Variants in KBTBD11 observed in about 807,000 individuals in gnomAD.
KBTBD11 encodes the protein kelch repeat and BTB domain containing 11.
For missense variants in KBTBD11, 1,390 were observed against 1,001.8 expected (o/e 1.39, Z -5.23); for synonymous variants, 747 against 499.0 (o/e 1.50, Z -6.63).
Position 2,003,830 on chromosome 8 carries a change from T to C in KBTBD11, c.*766T>C, listed in dbSNP as rs976042216. On this transcript the variant is annotated 3_prime_UTR_variant, in exon 2 of 2. Transcript: ENST00000320248. ...CATTATTTAAATTTTAAGTCTTCAG[T>C]GGCTAAATGTGACCAAACAGCACAT... The C allele has an allele frequency of 6.0e-6, 1 of 166,988 alleles. No individual in the cohort carries two copies. Among genetic ancestry groups the C allele is most frequent in the Admixed American group, 6.5e-5 (1 of 15,280 alleles). The allele number at this position is 166,988 out of a possible 1,614,324, so 10.3% of individuals were successfully genotyped here.
chr8:1,994,076 C>T (rs553207315), intron 1 of KBTBD11, among the ~76,000 whole-genome samples: 55 of 152,216 alleles, frequency 3.6e-4, no homozygotes, highest in African/African-American at 1.2e-3. Context: ...CTCAATACTT[C>T]GTTTACCGGC....
chr8:1,994,113 C>A (rs1817044642), intron 1 of KBTBD11, among the ~76,000 whole-genome samples: 1 of 152,142 alleles, frequency 6.6e-6, no homozygotes, highest in Admixed American at 6.5e-5. Flanking sequence ...TCAAGAATAT[C>A]TATTGTATAA....
intron 1 of KBTBD11, chr8:1,974,239 G>A: frequency 2.1e-6 from 2 of 946,330 alleles, no homozygotes; most frequent in Non-Finnish European, 2.5e-6. Flanking sequence ...TGGGGGGCGT[G>A]GGGGCCTCCT....
rs188838512 is a variant in KBTBD11 at position 1,985,035 on chromosome 8, G to A, written c.-909+11100G>A. ...GGTATTGCATTCTCATGCTCTAAGG[G>A]GCATCCACAGTATGCCCTGGGTCCT... is the stretch of plus-strand genomic sequence containing the variant. On this transcript the variant is annotated intron_variant, in intron 1 of 1. Transcript: ENST00000320248. Among the ~76,000 whole-genome samples the A allele has an allele frequency of 5.3e-5, 8 of 152,246 alleles. 1 individual carries two copies. The highest frequency in any genetic ancestry group is 1.9e-4 in the African/African-American group (8 of 41,540).
Position 2,001,843 on chromosome 8 carries a change from C to A in KBTBD11, c.651C>A (p.Pro217=). 2 of 1,230,858 alleles carry A rather than the reference C, an allele frequency of 1.6e-6. No homozygotes were observed. The highest frequency in any genetic ancestry group is 1.0e-6 in the Non-Finnish European group (1 of 987,374). The allele number at this position is 1,230,858 out of a possible 1,614,324, so 76.2% of individuals were successfully genotyped here. A position where few individuals can be genotyped will look rare whatever the true frequency, so the allele number is the denominator to read the frequency against. The change falls in exon 2 of 2, where the codon CCC becomes CCA. Residue 217 remains proline, a synonymous_variant. Coordinates refer to ENST00000320248, the MANE Select transcript of KBTBD11 (RefSeq NM_014867.3). ...CCGGCGCGCGCCGCCTGCAGCTGCC[C>A]GGCGCCGCGCAGCGCGCCACCGACG... The part of the protein sequence containing the change: ...VVAGARRLQL[P]GAAQRATDAV...
intron 1 of KBTBD11, among the ~76,000 whole-genome samples, chr8:1,977,756 G>A (rs531993614): frequency 7.3e-4 from 111 of 152,074 alleles, no homozygotes; most frequent in Non-Finnish European, 1.2e-3. Flanking sequence ...GGCTGGTCTC[G>A]AACTCCTGGC....
chr8:2,002,702 C>A lies in KBTBD11; in HGVS notation c.1510C>A (p.Arg504Ser). 1 of 1,545,032 alleles carries A rather than the reference C, an allele frequency of 6.5e-7. No individual in the cohort carries two copies. Among genetic ancestry groups the A allele is most frequent in the Non-Finnish European group, 8.7e-7 (1 of 1,154,158 alleles). ...DMVALDGFIYRFDLSGSRGEA... is the reference protein window; with the variant it reads ...DMVALDGFIYSFDLSGSRGEA... ...GGTGGCTCTCGACGGCTTCATCTAC[C>A]GCTTCGATCTGAGCGGCAGCCGCGG... The change falls in exon 2 of 2, where the codon CGC becomes AGC. Residue 504 changes from arginine (R) to serine (S), a missense_variant. Physicochemically the swap from Arg to Ser is moderately radical, Grantham distance 110. Transcript: ENST00000320248. The surrounding 1 kb of genome is among the most constrained non-coding windows in gnomAD (Gnocchi z 4.1).
chr8:1,984,985 G>T (rs1051823364), intron 1 of KBTBD11, among the ~76,000 whole-genome samples: 3 of 152,176 alleles, frequency 2.0e-5, no homozygotes, highest in African/African-American at 7.2e-5. Context: ...TTGAATCAGG[G>T]TGGAATGGCC....
intron 1 of KBTBD11, among the ~76,000 whole-genome samples, chr8:1,987,625 C>T (rs1816747908): frequency 6.6e-6 from 1 of 152,124 alleles, no homozygotes; most frequent in African/African-American, 2.4e-5. Context: ...CGGCTGCTCT[C>T]CTGCTCCTCT....
At position 1,976,749 on chromosome 8, in the gene KBTBD11, T is replaced by A. The variant is rs1200610711; in HGVS notation, c.-909+2814T>A. On this transcript the variant is annotated intron_variant, in intron 1 of 1. Transcript: ENST00000320248. The stretch of plus-strand genomic sequence containing the variant: ...AGATGAGTGCGTTGAAGGAGAGGAA[T>A]ACATTCCCTTGAATGCACGTAACAG... Among the ~76,000 whole-genome samples the A allele has an allele frequency of 2.6e-5, 4 of 152,298 alleles. No homozygotes were observed. In the East Asian group the frequency reaches 7.7e-4, roughly 29 times the overall value.
chr8:1,987,824 C>T (rs1226685537), intron 1 of KBTBD11, among the ~76,000 whole-genome samples: 1 of 152,000 alleles, frequency 6.6e-6, no homozygotes, highest in Non-Finnish European at 1.5e-5. Flanking sequence ...TGTTGGTTTG[C>T]TGCACCCATT....
chr8:1,979,585 C>T (rs1006329095), intron 1 of KBTBD11, among the ~76,000 whole-genome samples: 8 of 152,188 alleles, frequency 5.3e-5, no homozygotes, highest in South Asian at 2.1e-4. Context: ...GCCGAGATTG[C>T]GCCACTGCAC....
intron 1 of KBTBD11, among the ~76,000 whole-genome samples, chr8:1,996,043 A>T (rs918784556): frequency 6.6e-6 from 1 of 152,108 alleles, no homozygotes; most frequent in African/African-American, 2.4e-5. Context: ...ACAAACAAAA[A>T]TCCTGAGATT....
At chr8:1,981,747 G>C (rs1283744880) in intron 1 of KBTBD11, among the ~76,000 whole-genome samples, 1 of 152,140 alleles carries the variant, frequency 6.6e-6, no homozygotes, top group East Asian at 1.9e-4. Flanking sequence ...TCTGCCCTTG[G>C]ACATAAAAGC....
chr8:1,974,250 C>A, intron 1 of KBTBD11: 1 of 968,396 alleles, frequency 1.0e-6, no homozygotes, highest in Non-Finnish European at 1.2e-6. Context: ...GGGGCCTCCT[C>A]GCGGGGTCTC....
intron 1 of KBTBD11, among the ~76,000 whole-genome samples, chr8:1,985,609 C>G (rs1368807941): frequency 1.3e-5 from 2 of 152,218 alleles, no homozygotes; most frequent in Admixed American, 6.5e-5. Context: ...CTCATCTCAC[C>G]CCGAACACGC....
intron 1 of KBTBD11, among the ~76,000 whole-genome samples, chr8:1,997,275 T>C (rs1169208732): frequency 2.0e-5 from 3 of 152,136 alleles, no homozygotes. Flanking sequence ...AATCCCTGAC[T>C]TCCCATCCAA....
chr8:2,001,106 G>A lies in KBTBD11; in HGVS notation c.-87G>A, dbSNP rs1410061140. On this transcript the variant is annotated 5_prime_UTR_variant, in exon 2 of 2. Transcript: ENST00000320248. Reference sequence around the variant, plus strand: ...GCGTGCCAGGAAAAGCTGTGAGGCTGGAAACCCCGGAGTAAGGCTCGACCT... The same window carrying A: ...GCGTGCCAGGAAAAGCTGTGAGGCTAGAAACCCCGGAGTAAGGCTCGACCT... The A allele has an allele frequency of 2.4e-6, 3 of 1,262,332 alleles. No individual in the cohort carries two copies. Among genetic ancestry groups the A allele is most frequent in the Non-Finnish European group, 3.0e-6 (3 of 1,004,194 alleles). The allele number at this position is 1,262,332 out of a possible 1,614,324, so 78.2% of individuals were successfully genotyped here. A position where few individuals can be genotyped will look rare whatever the true frequency, so the allele number is the denominator to read the frequency against.
rs1325776753 is a variant in KBTBD11, at chr8:2,006,880, C to T, written c.*3816C>T. 6.0e-6 allele frequency: 1 copy of T among 166,968 alleles called. No homozygotes were observed. The highest frequency in any genetic ancestry group is 1.5e-5 in the Non-Finnish European group (1 of 68,124). 10.3% of individuals were successfully genotyped at this position (166,968 alleles called of 1,614,324 possible). ...ATCCTGGGCATAAATAGTGCAGAGC[C>T]TCGTATGTTTGTCAGTTCATGCCGA... is the stretch of plus-strand genomic sequence containing the variant. On this transcript the variant is annotated 3_prime_UTR_variant, in exon 2 of 2. Transcript: ENST00000320248.
Sources: gnomAD v4.1 joint callset for allele counts (sites outside exome capture counted in the v4.1 genomes callset) on GRCh38, gnomAD v4.1.1 for gene constraint, Gnocchi (gnomAD v3.1) non-coding constraint, MANE v1.5 for transcripts, NCBI Gene and HGNC (gene_info 2026-07-23, HGNC 2026-07-21) for gene names.